CES5A: variants seen among roughly 807,000 people sequenced by gnomAD.
CES5A encodes the protein carboxylesterase 5A.
CES5A carries 67 observed loss-of-function variants against 62.9 expected under a neutral mutation model. The ratio of observed to expected loss-of-function variants is 1.07; its 90% confidence interval spans 0.88 to 1.31. CES5A has a LOEUF of 1.31. Among genes scored for constraint, CES5A ranks in the 50% most tolerant of loss-of-function variants. The probability of loss-of-function intolerance (pLI) is 0.00; values close to 1 mark genes in which losing one functional copy is unlikely to be tolerated. For synonymous variants in CES5A, 296 were observed against 280.8 expected (o/e 1.05, Z -0.54); for missense variants, 748 against 708.5 (o/e 1.06, Z -0.63).
At chr16:55,870,626 TG>T (rs200123871) in intron 3 of CES5A, among the ~76,000 whole-genome samples, 3,968 of 152,098 alleles carry the variant, frequency 0.026, 98 homozygotes, top group South Asian at 0.12. Flanking sequence ...TGAGCCCGGA[TG>T]GCAAAGGTCG....
chr16:55,898,076 A>G (rs2033952702), intron 1 of CES5A, among the ~76,000 whole-genome samples: 1 of 152,230 alleles, frequency 6.6e-6, no homozygotes, highest in African/African-American at 2.4e-5. Context: ...GGTATGGACA[A>G]TGACCATGAG....
upstream of CES5A, among the ~76,000 whole-genome samples, chr16:55,879,103 TACCACTGCACCCC>T (rs1256111914): frequency 1.9e-5 from 2 of 104,802 alleles, no homozygotes; most frequent in Non-Finnish European, 4.0e-5. Context: ...CGCTGTACCC[TACCACTGCACCCC>T]ACCACTGCAC....
intron 1 of CES5A, among the ~76,000 whole-genome samples, chr16:55,921,709 G>A (rs1261997803): frequency 2.7e-5 from 4 of 145,762 alleles, no homozygotes; most frequent in Admixed American, 2.7e-4. Flanking sequence ...GTAAAATTAA[G>A]TATACAAACC....
chr16:55,925,432 C>T (rs1372577807), exon 1 of CES5A: 3 of 151,960 alleles, frequency 2.0e-5, no homozygotes, highest in African/African-American at 7.2e-5. Context: ...ATTAGCACAG[C>T]CATTATGGAG....
intron 1 of CES5A, among the ~76,000 whole-genome samples, chr16:55,921,729 C>T (rs2034206984): frequency 6.6e-6 from 1 of 150,850 alleles, no homozygotes; most frequent in Non-Finnish European, 1.5e-5. Flanking sequence ...CCAGGATACT[C>T]TAATACTGTA....
chr16:55,950,727 G>A (rs921725784), intron 1 of CES5A, among the ~76,000 whole-genome samples: 4 of 151,850 alleles, frequency 2.6e-5, no homozygotes, highest in Non-Finnish European at 5.9e-5. Context: ...CCCAAAAAAC[G>A]ATGGAAGTCT....
At chr16:55,914,586 C>T (rs1470823579) in intron 1 of CES5A, among the ~76,000 whole-genome samples, 2 of 152,204 alleles carry the variant, frequency 1.3e-5, no homozygotes, top group African/African-American at 4.8e-5. Context: ...TTGCTAAGGA[C>T]ACCCAGGGTT....
intron 5 of CES5A, among the ~76,000 whole-genome samples, chr16:55,863,903 C>T (rs750662423): frequency 2.0e-5 from 3 of 151,850 alleles, no homozygotes; most frequent in Non-Finnish European, 2.9e-5. Flanking sequence ...ATTACAGGTG[C>T]GCACCACCAC....
intron 11 of CES5A, among the ~76,000 whole-genome samples, chr16:55,848,634 A>G (rs2033065896): frequency 6.6e-6 from 1 of 152,082 alleles, no homozygotes; most frequent in South Asian, 2.1e-4. Flanking sequence ...TTTTCCGTGA[A>G]CTATCTGTTT....
At chr16:55,943,321 G>C (rs2034463622) in intron 2 of CES5A, among the ~76,000 whole-genome samples, 1 of 152,206 alleles carries the variant, frequency 6.6e-6, no homozygotes. Context: ...TAAACTGCGA[G>C]AGATCAGAAT....
At chr16:55,895,848 G>C (rs765535378) in intron 1 of CES5A, among the ~76,000 whole-genome samples, 2 of 152,126 alleles carry the variant, frequency 1.3e-5, no homozygotes, top group Admixed American at 6.5e-5. Flanking sequence ...GCATTTGAAG[G>C]GGGGCCTGGT....
intron 2 of CES5A, among the ~76,000 whole-genome samples, chr16:55,946,677 A>G (rs1379417130): frequency 6.6e-6 from 1 of 152,200 alleles, no homozygotes; most frequent in Non-Finnish European, 1.5e-5. Context: ...AGCTATTGCC[A>G]TAAGAATGCC....
intron 1 of CES5A, among the ~76,000 whole-genome samples, chr16:55,884,835 G>A (rs564102634): frequency 4.9e-4 from 74 of 152,088 alleles, no homozygotes; most frequent in African/African-American, 1.3e-3. Flanking sequence ...TAAGTGATCC[G>A]CCCACCTAGG....
chr16:55,930,533 C>A (rs372360720), intron 2 of CES5A, among the ~76,000 whole-genome samples: 1 of 152,142 alleles, frequency 6.6e-6, no homozygotes, highest in African/African-American at 2.4e-5. Context: ...CCATGTGATG[C>A]CTTGTGCCAC....
chr16:55,910,100 C>T (rs999231065), intron 1 of CES5A, among the ~76,000 whole-genome samples: 3 of 152,098 alleles, frequency 2.0e-5, no homozygotes, highest in Admixed American at 2.0e-4. Context: ...AGAAGGGACA[C>T]CTGCCATTAG....
At chr16:55,885,380 G>A (rs925218315) in intron 1 of CES5A, among the ~76,000 whole-genome samples, 9 of 152,154 alleles carry the variant, frequency 5.9e-5, no homozygotes, top group African/African-American at 9.7e-5. Flanking sequence ...AGGATTAAAC[G>A]TGCAAAGGAG....
chr16:55,866,203 A>G (rs1276818876), intron 4 of CES5A, 87 bp from the exon 5 acceptor site: 2 of 1,382,772 alleles, frequency 1.4e-6, no homozygotes, highest in Admixed American at 4.5e-5. Flanking sequence ...GGCTGTGGGC[A>G]GGGGTCAGTG....
At chr16:55,854,780 C>T (rs1234026863) in intron 9 of CES5A, among the ~76,000 whole-genome samples, 2 of 151,510 alleles carry the variant, frequency 1.3e-5, no homozygotes, top group Non-Finnish European at 2.9e-5. Flanking sequence ...AATCCTCCTG[C>T]CTTGGCCTCC....
intron 8 of CES5A, among the ~76,000 whole-genome samples, chr16:55,857,196 G>A (rs1255975385): frequency 2.6e-5 from 4 of 152,182 alleles, no homozygotes; most frequent in Non-Finnish European, 5.9e-5. Flanking sequence ...AACTTGGCAA[G>A]GGACTCAACT....
Sources: allele counts gnomAD v4.1 joint callset (sites outside exome capture counted in the v4.1 genomes callset), GRCh38; gene constraint gnomAD v4.1.1; transcripts MANE v1.5; gene names NCBI Gene and HGNC (gene_info 2026-07-23, HGNC 2026-07-21).